Variants in TGFBR2 observed in about 807,000 individuals in gnomAD.
The protein encoded by TGFBR2 is transforming growth factor beta receptor 2.
A neutral mutation model predicts 49.0 loss-of-function variants in TGFBR2; 18 were observed. That is an observed-to-expected ratio of 0.37 (90% confidence interval 0.25 to 0.54). The LOEUF (loss-of-function observed/expected upper bound fraction) is 0.54, where lower values mean the gene tolerates loss of function less well. Among genes scored for constraint, TGFBR2 ranks in the 20% least tolerant of loss-of-function variants. The pLI is 0.85. For missense variants in TGFBR2, 525 were observed against 722.6 expected (o/e 0.73, Z 3.13); for synonymous variants, 282 against 275.9 (o/e 1.02, Z -0.22).
At position 30,607,990 on chromosome 3, in the gene TGFBR2, G is replaced by A. The variant is rs532414875; in HGVS notation, c.94+1013G>A. ...GGAGTCTCGCTCTGTCACCAGGCTGGAGTGCAGTGGCGCAATCTCGGCTCA... is the reference window on the plus strand; with the variant it reads ...GGAGTCTCGCTCTGTCACCAGGCTGAAGTGCAGTGGCGCAATCTCGGCTCA... On this transcript the variant is annotated intron_variant, in intron 1 of 6. Coordinates refer to ENST00000295754, the MANE Select transcript of TGFBR2 (RefSeq NM_003242.6). Among the ~76,000 whole-genome samples, 9 of 151,272 alleles carry A rather than the reference G, an allele frequency of 5.9e-5. No individual in the cohort carries two copies. In the Middle Eastern group the frequency reaches 0.01, roughly 174 times the overall value.
intron 6 of TGFBR2, among the ~76,000 whole-genome samples, chr3:30,689,382 CTG>C (rs1408561223): frequency 6.6e-6 from 1 of 152,200 alleles, no homozygotes; most frequent in Non-Finnish European, 1.5e-5. Flanking sequence ...ACTGAGAAGA[CTG>C]TTCTTTCTAC....
At chr3:30,646,733 T>C (rs950853290) in intron 2 of TGFBR2, among the ~76,000 whole-genome samples, 2 of 152,158 alleles carry the variant, frequency 1.3e-5, no homozygotes, top group Non-Finnish European at 2.9e-5. Context: ...CTAGATGGCC[T>C]CAAAGCTTCC....
intron 1 of TGFBR2, among the ~76,000 whole-genome samples, chr3:30,618,689 A>G (rs1310990967): frequency 6.6e-6 from 1 of 152,210 alleles, no homozygotes; most frequent in Non-Finnish European, 1.5e-5. Context: ...TCTGCTCTAT[A>G]CAAAGTAGGT....
At chr3:30,629,800 G>A (rs962418142) in intron 1 of TGFBR2, among the ~76,000 whole-genome samples, 28 of 152,192 alleles carry the variant, frequency 1.8e-4, no homozygotes, top group African/African-American at 5.3e-4. Flanking sequence ...AGTACAGCGC[G>A]AGGGTCTGAG....
intron 6 of TGFBR2, among the ~76,000 whole-genome samples, chr3:30,688,845 T>A (rs1249188154): frequency 6.6e-6 from 1 of 152,194 alleles, no homozygotes; most frequent in Non-Finnish European, 1.5e-5. Flanking sequence ...TATATTTGAT[T>A]CCCTCTGGAT....
chr3:30,653,001 A>G (rs1392434120), intron 3 of TGFBR2, among the ~76,000 whole-genome samples: 2 of 152,194 alleles, frequency 1.3e-5, no homozygotes, highest in East Asian at 3.9e-4. Flanking sequence ...GAAGTGAGAT[A>G]ATAAGCATAA....
At position 30,676,468 on chromosome 3, in the gene TGFBR2, G is replaced by T. The variant is rs917208194; in HGVS notation, c.1396+2222G>T. On this transcript the variant is annotated intron_variant, in intron 5 of 6. Transcript: ENST00000295754. The surrounding 1 kb of genome is among the most constrained non-coding windows in gnomAD (Gnocchi z 4.3). ...ATGCATTCTCCTTTAAAAAAGATCT[G>T]TCTCTTCTGACACCATCCCCTGTTC... Among the ~76,000 whole-genome samples, 3 of 151,908 alleles carry T rather than the reference G, an allele frequency of 2.0e-5. No individual in the cohort carries two copies. Among genetic ancestry groups the T allele is most frequent in the Non-Finnish European group, 4.4e-5 (3 of 68,016 alleles).
intron 1 of TGFBR2, among the ~76,000 whole-genome samples, chr3:30,625,357 G>C (rs771119153): frequency 1.3e-5 from 2 of 152,158 alleles, no homozygotes; most frequent in African/African-American, 4.8e-5. Flanking sequence ...TGTTAATTCT[G>C]ATCTAAGGAA....
chr3:30,638,120 T>C (rs11129421), intron 1 of TGFBR2, among the ~76,000 whole-genome samples: 106,370 of 152,202 alleles, frequency 0.7, 37,853 homozygotes, highest in African/African-American at 0.85. Flanking sequence ...TCTCTGGTGA[T>C]ATGATCAGGA....
intron 3 of TGFBR2, among the ~76,000 whole-genome samples, chr3:30,656,126 AT>A (rs1382956106): frequency 1.3e-5 from 2 of 152,196 alleles, no homozygotes; most frequent in African/African-American, 4.8e-5. Context: ...TAATGGGCCC[AT>A]GAGGAATAAA....
chr3:30,674,936 C>CT (rs1699409709), intron 5 of TGFBR2, among the ~76,000 whole-genome samples: 2 of 152,048 alleles, frequency 1.3e-5, no homozygotes, highest in Admixed American at 1.3e-4. Context: ...CAGGTGCCCT[C>CT]TGCTATGTCT....
At chr3:30,617,660 A>T (rs908434947) in intron 1 of TGFBR2, among the ~76,000 whole-genome samples, 1 of 152,120 alleles carries the variant, frequency 6.6e-6, no homozygotes, top group African/African-American at 2.4e-5. Flanking sequence ...TATTATATGC[A>T]TCAAGGCCCA....
intron 1 of TGFBR2, among the ~76,000 whole-genome samples, chr3:30,637,216 G>C (rs1204535190): frequency 1.3e-5 from 2 of 152,108 alleles, no homozygotes; most frequent in Non-Finnish European, 2.9e-5. Flanking sequence ...TATGGATAGA[G>C]TCAAGGGAAA....
At chr3:30,606,532 G>T (rs1232254027), upstream of TGFBR2, 4 of 270,518 alleles carry the variant, frequency 1.5e-5, no homozygotes, top group African/African-American at 8.6e-5. Flanking sequence ...GGCGGAGAGA[G>T]GTCCTGCCCA....
chr3:30,688,654 A>G lies in TGFBR2; in HGVS notation c.1524+143A>G, dbSNP rs2125452565. 9.2e-6 allele frequency: 11 copies of G among 1,196,466 alleles called. No homozygotes were observed. The South Asian group carries it at 1.3e-4, about 14-fold the overall frequency. The allele number at this position is 1,196,466 out of a possible 1,614,324, so 74.1% of individuals were successfully genotyped here. On this transcript the variant is annotated intron_variant, in intron 6 of 6. Transcript: ENST00000295754. Reference sequence around the variant, plus strand: ...CCTGTTAAATTTTGTTTATAAAGCAAATTTCAATACAGTGGATAACCCAAT... The same window carrying G: ...CCTGTTAAATTTTGTTTATAAAGCAGATTTCAATACAGTGGATAACCCAAT...
chr3:30,639,261 G>A (rs993762297), intron 1 of TGFBR2, among the ~76,000 whole-genome samples: 5 of 152,172 alleles, frequency 3.3e-5, no homozygotes, highest in Non-Finnish European at 5.9e-5. Context: ...GTGTGTACTT[G>A]GCTAGGTTCT....
chr3:30,669,420 G>A (rs1699301079), intron 3 of TGFBR2, among the ~76,000 whole-genome samples: 1 of 152,110 alleles, frequency 6.6e-6, no homozygotes, highest in Admixed American at 6.5e-5. Context: ...AGAAGAGAAA[G>A]AGAAACAATT....
intron 3 of TGFBR2, among the ~76,000 whole-genome samples, chr3:30,662,805 T>G (rs531487021): frequency 8.4e-4 from 128 of 152,302 alleles, no homozygotes; most frequent in African/African-American, 2.8e-3. Flanking sequence ...TGCAAACAAT[T>G]CCACTAAGAA....
intron 3 of TGFBR2, among the ~76,000 whole-genome samples, chr3:30,670,958 G>C (rs1247348326): frequency 6.6e-6 from 1 of 152,240 alleles, no homozygotes; most frequent in Non-Finnish European, 1.5e-5. Flanking sequence ...AGGGTAGCCT[G>C]AATGCTGATC....
Sources: gnomAD v4.1 joint callset for allele counts (sites outside exome capture counted in the v4.1 genomes callset) on GRCh38, gnomAD v4.1.1 for gene constraint, Gnocchi (gnomAD v3.1) non-coding constraint, MANE v1.5 for transcripts, NCBI Gene and HGNC (gene_info 2026-07-23, HGNC 2026-07-21) for gene names.